The following CDH18 variants were observed in gnomAD, a reference collection of about 807,000 sequenced individuals.
The protein encoded by CDH18 is cadherin 18.
Under a neutral mutation model 67.9 loss-of-function variants are expected in CDH18, and 31 were observed. The ratio of observed to expected loss-of-function variants is 0.46; its 90% CI spans 0.34 to 0.62. The LOEUF is 0.62. Among genes scored for constraint, CDH18 ranks in the 20% least tolerant of loss-of-function variants. CDH18 has a pLI of 0.01. For synonymous variants in CDH18, 362 were observed against 347.2 expected (o/e 1.04, Z -0.48); for missense variants, 890 against 975.5 (o/e 0.91, Z 1.17).
chr5:20,457,412 C>A (rs1208917574), intron 1 of CDH18, among the ~76,000 whole-genome samples: 3 of 152,052 alleles, frequency 2.0e-5, no homozygotes, highest in Non-Finnish European at 4.4e-5. Context: ...TTCAATTCTC[C>A]AAAAACTTGT....
At chr5:20,505,097 TA>T (rs35419542) in intron 1 of CDH18, among the ~76,000 whole-genome samples, 2 of 150,956 alleles carry the variant, frequency 1.3e-5, no homozygotes, top group Middle Eastern at 3.2e-3. Flanking sequence ...AAGTTACTAG[TA>T]AAAAAAAATC....
At chr5:20,411,461 TA>T (rs1746768224) in intron 1 of CDH18, among the ~76,000 whole-genome samples, 1 of 151,980 alleles carries the variant, frequency 6.6e-6, no homozygotes, top group Non-Finnish European at 1.5e-5. Context: ...ATTAAAGACT[TA>T]AATGTAAGAA....
chr5:19,728,168 G>A (rs550368978), intron 4 of CDH18, among the ~76,000 whole-genome samples: 1 of 152,236 alleles, frequency 6.6e-6, no homozygotes, highest in Non-Finnish European at 1.5e-5. Flanking sequence ...TAGATTTGAT[G>A]AATAGATATT....
At chr5:19,771,334 T>C (rs1773707555) in intron 3 of CDH18, among the ~76,000 whole-genome samples, 1 of 152,198 alleles carries the variant, frequency 6.6e-6, no homozygotes, top group African/African-American at 2.4e-5. Flanking sequence ...TTATCATCTA[T>C]CACTCTTTGT....
intron 2 of CDH18, among the ~76,000 whole-genome samples, chr5:20,015,807 G>T (rs553520013): frequency 1.3e-5 from 2 of 152,136 alleles, no homozygotes; most frequent in South Asian, 2.1e-4. Context: ...CAAGATGTAG[G>T]TGTTTTGCTC....
At chr5:19,808,698 G>A (rs974802939) in intron 3 of CDH18, among the ~76,000 whole-genome samples, 2 of 151,602 alleles carry the variant, frequency 1.3e-5, no homozygotes, top group Non-Finnish European at 2.9e-5. Flanking sequence ...AGGCATGGTG[G>A]CGCACACCTG....
chr5:19,995,602 T>TAAA (rs546777102), intron 2 of CDH18, among the ~76,000 whole-genome samples: 12 of 122,700 alleles, frequency 9.8e-5, no homozygotes, highest in African/African-American at 1.1e-4. Flanking sequence ...TTGCAAGCTT[T>TAAA]AAAAAAAAAA....
intron 11 of CDH18, chr5:19,502,788 C>T (rs1014447077): frequency 2.5e-5 from 14 of 564,078 alleles, no homozygotes; most frequent in Middle Eastern, 6.5e-4. Context: ...TAAAGAGATG[C>T]TTCTGAATAA....
At chr5:19,713,947 G>C (rs773172288) in intron 5 of CDH18, among the ~76,000 whole-genome samples, 26 of 152,222 alleles carry the variant, frequency 1.7e-4, no homozygotes, top group Non-Finnish European at 1.3e-4. Flanking sequence ...TGCCTGGGCA[G>C]TGCACTGTAC....
chr5:20,469,423 T>A (rs1360172751), intron 1 of CDH18, among the ~76,000 whole-genome samples: 1 of 152,202 alleles, frequency 6.6e-6, no homozygotes, highest in Admixed American at 6.5e-5. Context: ...CGCTTCTGCC[T>A]TTCCTCATTC....
chr5:19,625,894 C>G (rs144885650), intron 5 of CDH18, among the ~76,000 whole-genome samples: 153 of 152,204 alleles, frequency 1.0e-3, no homozygotes, highest in African/African-American at 3.3e-3. Context: ...AGGACTCAGG[C>G]CTTGAAGAGA....
chr5:19,639,057 C>T lies in CDH18; in HGVS notation c.644-26456G>A, dbSNP rs1441729864. On this transcript the variant is annotated intron_variant, in intron 5 of 12. Transcript: ENST00000382275. ...TCACTCTGTCTCCCAGGCTGGAGTGCAGTGGCGCGATCTCGGCTCACTGCA... is the reference window on the plus strand; with the variant it reads ...TCACTCTGTCTCCCAGGCTGGAGTGTAGTGGCGCGATCTCGGCTCACTGCA... 2.3e-5 allele frequency among the ~76,000 whole-genome samples: 3 copies of T among 129,660 alleles called. 1 individual carries two copies. The highest frequency in any genetic ancestry group is 4.7e-5 in the Non-Finnish European group (3 of 64,384). The allele number at this position is 129,660 out of a possible 152,430, so 85.1% of individuals were successfully genotyped here. A position where few individuals can be genotyped will look rare whatever the true frequency, so the allele number is the denominator to read the frequency against.
intron 3 of CDH18, among the ~76,000 whole-genome samples, chr5:19,836,772 GC>G (rs1781694143): frequency 6.6e-6 from 1 of 152,044 alleles, no homozygotes; most frequent in South Asian, 2.1e-4. Context: ...TTATTGCATA[GC>G]TTTTCTTCCA....
intron 1 of CDH18, among the ~76,000 whole-genome samples, chr5:20,400,614 C>T (rs970353863): frequency 7.1e-5 from 8 of 113,036 alleles, no homozygotes; most frequent in East Asian, 2.2e-4. Flanking sequence ...AAAAAACCAG[C>T]GAGGTGTGGT....
chr5:20,082,572 G>A (rs1264091049), intron 2 of CDH18, among the ~76,000 whole-genome samples: 1 of 152,162 alleles, frequency 6.6e-6, no homozygotes, highest in East Asian at 1.9e-4. Flanking sequence ...ATTTAGTTAT[G>A]TTTCCTTCCT....
chr5:20,035,221 T>C (rs959576613), intron 2 of CDH18, among the ~76,000 whole-genome samples: 2 of 152,086 alleles, frequency 1.3e-5, no homozygotes, highest in Non-Finnish European at 2.9e-5. Context: ...GATTTTTTTA[T>C]GACTGCATAA....
intron 2 of CDH18, among the ~76,000 whole-genome samples, chr5:19,967,323 T>C (rs1172995228): frequency 6.6e-6 from 1 of 152,080 alleles, no homozygotes; most frequent in Non-Finnish European, 1.5e-5. Context: ...TCATGGTGAT[T>C]CCAATGTTAT....
intron 5 of CDH18, among the ~76,000 whole-genome samples, chr5:19,615,411 T>C (rs1749668657): frequency 6.6e-6 from 1 of 152,128 alleles, no homozygotes; most frequent in Admixed American, 6.5e-5. Flanking sequence ...TTTAGGTCCT[T>C]TCACTGTAAA....
chr5:20,283,726 T>C (rs887372073), intron 1 of CDH18, among the ~76,000 whole-genome samples: 2 of 152,026 alleles, frequency 1.3e-5, no homozygotes, highest in African/African-American at 2.4e-5. Flanking sequence ...AGAGCTACCA[T>C]ATGATCCAGC....
Sources: allele counts gnomAD v4.1 joint callset (sites outside exome capture counted in the v4.1 genomes callset), GRCh38; gene constraint gnomAD v4.1.1; transcripts MANE v1.5; gene names NCBI Gene and HGNC (gene_info 2026-07-23, HGNC 2026-07-21).